The following CEP83 variants were observed in gnomAD, a reference collection of about 807,000 sequenced individuals.
CEP83 encodes centrosomal protein of 83 kDa.
Under a neutral mutation model 101.9 loss-of-function variants are expected in CEP83, and 70 were observed. That is an observed-to-expected ratio of 0.69 (90% confidence interval 0.57 to 0.84). The LOEUF is 0.84. CEP83 is among the 40% of genes least tolerant of loss of function. CEP83 has a pLI of 0.00. For synonymous variants in CEP83, 264 were observed against 267.9 expected (o/e 0.99, Z 0.14); for missense variants, 715 against 787.2 (o/e 0.91, Z 1.10).
At chr12:94,455,596 G>T (rs2067608266) in intron 1 of CEP83, among the ~76,000 whole-genome samples, 3 of 152,308 alleles carry the variant, frequency 2.0e-5, no homozygotes, top group Admixed American at 2.0e-4. Flanking sequence ...CATATTTTGA[G>T]ACAGAAGATA....
chr12:94,453,762 G>A (rs2067427444), intron 1 of CEP83, among the ~76,000 whole-genome samples: 2 of 152,208 alleles, frequency 1.3e-5, no homozygotes, highest in Admixed American at 6.5e-5. Context: ...GACTCACCCA[G>A]TCAAGCCTTG....
At position 94,457,086 on chromosome 12, in the gene CEP83, C is replaced by T. The variant is rs184909832; in HGVS notation, c.-155+2471G>A. Reference sequence around the variant, plus strand: ...GAAAGAAGGGAATAAGATCAGGTCACGGGGGATAGAAAGATATGCAGACTA... The same window carrying T: ...GAAAGAAGGGAATAAGATCAGGTCATGGGGGATAGAAAGATATGCAGACTA... On this transcript the variant is annotated intron_variant, in intron 1 of 16. Coordinates refer to ENST00000397809, the MANE Select transcript of CEP83 (RefSeq NM_016122.3). Among the ~76,000 whole-genome samples, 137 of 151,832 alleles carry T rather than the reference C, an allele frequency of 9.0e-4. 1 individual carries two copies. The highest frequency in any genetic ancestry group is 3.9e-3 in the East Asian group (20 of 5,170).
Position 94,317,286 on chromosome 12 carries a change from GTTC to G in CEP83, c.1708-4272_1708-4270del, listed in dbSNP as rs572753742. Among the ~76,000 whole-genome samples, 375 of 151,912 alleles carry G rather than the reference GTTC, an allele frequency of 2.5e-3. 2 individuals are homozygous for G. Among genetic ancestry groups the G allele is most frequent in the African/African-American group, 7.8e-3 (322 of 41,500 alleles). The stretch of plus-strand genomic sequence containing the variant: ...GGTTGTTTTTATCCTGTAAATTTAA[GTTC>G]TTTATAGATGCTAGATAGACCTTTG... On this transcript the variant is annotated intron_variant, in intron 14 of 16. Coordinates refer to ENST00000397809, the MANE Select transcript of CEP83 (RefSeq NM_016122.3).
chr12:94,380,071 C>CAAAAAAAAAAAAAA (rs11362391), intron 6 of CEP83, among the ~76,000 whole-genome samples: 19 of 83,182 alleles, frequency 2.3e-4, no homozygotes, highest in East Asian at 7.2e-4. Flanking sequence ...CCCGGCCCTG[C>CAAAAAAAAAAAAAA]AAAAAAAAAA....
intron 11 of CEP83, among the ~76,000 whole-genome samples, chr12:94,337,062 T>C (rs1255780018): frequency 6.6e-6 from 1 of 152,208 alleles, no homozygotes; most frequent in East Asian, 1.9e-4. Flanking sequence ...ACTTAGGCCC[T>C]AAGTATATCC....
the CEP83 span, chr12:94,301,037 A>G: frequency 1.2e-6 from 2 of 1,613,798 alleles, no homozygotes; most frequent in Non-Finnish European, 1.7e-6. Flanking sequence ...ATTTTCTCTC[A>G]CAGAGCAGCA....
intron 14 of CEP83, chr12:94,328,309 C>T (rs1442389392): frequency 3.0e-6 from 1 of 329,928 alleles, no homozygotes. Flanking sequence ...CCTGTTCAAG[C>T]TTTTCCAAAC....
At chr12:94,455,901 G>T (rs1446297583) in intron 1 of CEP83, among the ~76,000 whole-genome samples, 1 of 151,806 alleles carries the variant, frequency 6.6e-6, no homozygotes, top group East Asian at 1.9e-4. Flanking sequence ...CAAAAAAAAA[G>T]CCAGGTGTGG....
chr12:94,397,659 A>AT (rs779695333), intron 6 of CEP83, among the ~76,000 whole-genome samples: 9 of 152,230 alleles, frequency 5.9e-5, no homozygotes, highest in Non-Finnish European at 1.2e-4. Context: ...AAACTAGAGA[A>AT]TACAAATAAT....
chr12:94,333,896 G>A (rs1432059580), intron 12 of CEP83, among the ~76,000 whole-genome samples: 2 of 152,076 alleles, frequency 1.3e-5, no homozygotes, highest in African/African-American at 4.8e-5. Context: ...GGCCAGGAGA[G>A]GTATTGGGAA....
chr12:94,305,382 C>A, downstream of CEP83: 1 of 696,732 alleles, frequency 1.4e-6, no homozygotes, highest in Non-Finnish European at 2.5e-6. Context: ...TTGTTGTTTG[C>A]ACATAGGTTC....
the CEP83 span, among the ~76,000 whole-genome samples, chr12:94,295,793 T>C: frequency 8.5e-5 from 13 of 152,298 alleles, no homozygotes; most frequent in East Asian, 2.5e-3. Context: ...CCTGCTCTCA[T>C]TGGGTTCCTC....
intron 11 of CEP83, among the ~76,000 whole-genome samples, chr12:94,364,586 C>T (rs985969524): frequency 9.2e-5 from 14 of 151,826 alleles, no homozygotes; most frequent in African/African-American, 3.4e-4. Context: ...GCCATGATCG[C>T]TCACTCCAGC....
chr12:94,366,124 G>GT (rs916449155), intron 11 of CEP83, among the ~76,000 whole-genome samples: 2 of 151,770 alleles, frequency 1.3e-5, no homozygotes, highest in Admixed American at 6.6e-5. Context: ...TGAAGGTTTT[G>GT]TTTTTTTGTT....
At chr12:94,428,061 T>C (rs1446216975) in intron 2 of CEP83, among the ~76,000 whole-genome samples, 1 of 152,210 alleles carries the variant, frequency 6.6e-6, no homozygotes, top group Non-Finnish European at 1.5e-5. Flanking sequence ...TGGTTAGCAA[T>C]CAACCACCAA....
chr12:94,457,973 G>A (rs180944107), intron 1 of CEP83, among the ~76,000 whole-genome samples: 62 of 152,266 alleles, frequency 4.1e-4, no homozygotes, highest in Non-Finnish European at 6.3e-4. Context: ...AAGGTGGGCA[G>A]ATCGCCTGAA....
At chr12:94,448,414 T>C (rs891917091) in intron 1 of CEP83, among the ~76,000 whole-genome samples, 1 of 152,176 alleles carries the variant, frequency 6.6e-6, no homozygotes, top group East Asian at 1.9e-4. Context: ...TATAGAAGTC[T>C]TGACTAACCT....
chr12:94,285,316 C>T, the CEP83 span, among the ~76,000 whole-genome samples: 4 of 152,290 alleles, frequency 2.6e-5, no homozygotes, highest in East Asian at 3.9e-4. Context: ...AGACTGTTCC[C>T]GAGCAGAGCT....
chr12:94,384,927 C>T (rs779852371), intron 6 of CEP83, among the ~76,000 whole-genome samples: 3 of 152,184 alleles, frequency 2.0e-5, no homozygotes, highest in Admixed American at 6.5e-5. Context: ...CAGTTTCAGA[C>T]CTTCCTAGTT....
Sources: gnomAD v4.1 joint callset for allele counts (sites outside exome capture counted in the v4.1 genomes callset) on GRCh38, gnomAD v4.1.1 for gene constraint, MANE v1.5 for transcripts, NCBI Gene and HGNC (gene_info 2026-07-23, HGNC 2026-07-21) for gene names.